The following ASTN2 variants were observed in gnomAD, a reference collection of about 807,000 sequenced individuals.
ASTN2 encodes astrotactin 2, also known as astrotactin-2.
ASTN2 carries 54 observed loss-of-function variants against 139.8 expected under a neutral mutation model. That is an observed-to-expected ratio of 0.39 (90% CI 0.31 to 0.48). ASTN2 has a LOEUF of 0.48. Ranked by LOEUF, ASTN2 falls within the 20% of genes least tolerant of loss-of-function variation. The pLI is 0.95. For missense variants in ASTN2, 1,565 were observed against 1,725.1 expected, an observed-to-expected ratio of 0.91 and a Z score of 1.64; for synonymous variants, 756 against 719.5, an observed-to-expected ratio of 1.05 and a Z score of -0.81.
chr9:116,947,534 T>C (rs115158365), intron 10 of ASTN2, among the ~76,000 whole-genome samples: 2,775 of 152,306 alleles, frequency 0.018, 88 homozygotes, highest in African/African-American at 0.064. Context: ...AAAAGTTACA[T>C]GCATCTTTTT....
chr9:116,788,663 T>C (rs1358033171), intron 13 of ASTN2, among the ~76,000 whole-genome samples: 4 of 152,072 alleles, frequency 2.6e-5, no homozygotes, highest in Non-Finnish European at 5.9e-5. Flanking sequence ...GTCGCAGAAA[T>C]TGTCTTAGAC....
intron 7 of ASTN2, among the ~76,000 whole-genome samples, chr9:116,986,687 A>T (rs1750736177): frequency 6.6e-6 from 1 of 152,292 alleles, no homozygotes; most frequent in Middle Eastern, 3.4e-3. Flanking sequence ...CATCTTGCAG[A>T]CGAGCAGACA....
At chr9:117,192,138 T>C (rs1831365948) in intron 3 of ASTN2, among the ~76,000 whole-genome samples, 1 of 152,164 alleles carries the variant, frequency 6.6e-6, no homozygotes, top group East Asian at 1.9e-4. Flanking sequence ...AGAGGATGGC[T>C]ATCAGGGGAT....
intron 6 of ASTN2, among the ~76,000 whole-genome samples, chr9:117,019,156 A>C (rs1429699975): frequency 6.6e-6 from 1 of 152,148 alleles, no homozygotes; most frequent in Non-Finnish European, 1.5e-5. Flanking sequence ...CTGGAACATA[A>C]ATCATACCAT....
chr9:116,703,790 A>G (rs979746607), intron 16 of ASTN2, among the ~76,000 whole-genome samples: 1 of 151,828 alleles, frequency 6.6e-6, no homozygotes, highest in Non-Finnish European at 1.5e-5. Context: ...GGGAGAACCT[A>G]GTATGAGACT....
chr9:116,564,180 A>G (rs68062750), intron 19 of ASTN2, among the ~76,000 whole-genome samples: 8,599 of 152,322 alleles, frequency 0.056, 317 homozygotes, highest in Non-Finnish European at 0.082. Context: ...AGTTAAAATG[A>G]CATAGGCCTG....
chr9:117,027,917 G>C (rs535467764), intron 6 of ASTN2, among the ~76,000 whole-genome samples: 1 of 152,248 alleles, frequency 6.6e-6, no homozygotes, highest in South Asian at 2.1e-4. Flanking sequence ...GGGGCTTATA[G>C]CTTCACTTTA....
chr9:117,059,111 G>C (rs1380042845), intron 5 of ASTN2, among the ~76,000 whole-genome samples: 1 of 152,182 alleles, frequency 6.6e-6, no homozygotes, highest in Non-Finnish European at 1.5e-5. Flanking sequence ...AGGAGTCATG[G>C]CTTGAATAGT....
intron 7 of ASTN2, among the ~76,000 whole-genome samples, chr9:117,005,385 A>G (rs1837327188): frequency 6.6e-6 from 1 of 151,504 alleles, no homozygotes; most frequent in Non-Finnish European, 1.5e-5. Flanking sequence ...TTATAATTTT[A>G]TGTTGTCTTG....
At chr9:116,474,641 A>C (rs1302379126) in intron 20 of ASTN2, among the ~76,000 whole-genome samples, 1 of 152,182 alleles carries the variant, frequency 6.6e-6, no homozygotes, top group East Asian at 1.9e-4. Flanking sequence ...ACCCACAGCC[A>C]AGATAATGAG....
intron 19 of ASTN2, chr9:116,583,318 T>C (rs542778765): frequency 1.2e-4 from 18 of 152,340 alleles, no homozygotes; most frequent in African/African-American, 3.8e-4. Flanking sequence ...AGGTTAAAAT[T>C]GCTGGCTACA....
At chr9:116,976,806 G>C in intron 7 of ASTN2, 21 bp from the exon 8 acceptor site, 2 of 1,610,440 alleles carry the variant, frequency 1.2e-6, no homozygotes, top group South Asian at 2.2e-5. Context: ...AAAGAAAAAA[G>C]ATTATTGTTA....
intron 3 of ASTN2, among the ~76,000 whole-genome samples, chr9:117,142,990 G>T (rs1347711677): frequency 6.6e-6 from 1 of 152,168 alleles, no homozygotes. Flanking sequence ...GACAAAGAAG[G>T]CTCCTGAACA....
chr9:116,464,080 A>T (rs1032863065), intron 20 of ASTN2, among the ~76,000 whole-genome samples: 1 of 152,046 alleles, frequency 6.6e-6, no homozygotes, highest in Admixed American at 6.6e-5. Flanking sequence ...AATCTGACAC[A>T]TAGCAGAGGA....
At chr9:117,028,238 T>C (rs547816967) in intron 6 of ASTN2, among the ~76,000 whole-genome samples, 1 of 152,278 alleles carries the variant, frequency 6.6e-6, no homozygotes, top group South Asian at 2.1e-4. Context: ...GTCCAGGCTC[T>C]GGGGATCACT....
chr9:116,484,746 C>G (rs1031165820), intron 20 of ASTN2, among the ~76,000 whole-genome samples: 57 of 152,186 alleles, frequency 3.7e-4, no homozygotes, highest in African/African-American at 1.3e-3. Context: ...AGCACATTTC[C>G]AGGACAGAGG....
chr9:117,157,313 G>T (rs1830453884), intron 3 of ASTN2, among the ~76,000 whole-genome samples: 1 of 151,936 alleles, frequency 6.6e-6, no homozygotes, highest in Non-Finnish European at 1.5e-5. Context: ...AAGGAAAAAA[G>T]ACACATGGAT....
At chr9:116,757,657 T>C (rs889237190) in intron 13 of ASTN2, among the ~76,000 whole-genome samples, 9 of 152,136 alleles carry the variant, frequency 5.9e-5, no homozygotes, top group African/African-American at 2.2e-4. Context: ...CTCATCGTCT[T>C]ATTACCCCAC....
At chr9:116,796,534 A>G (rs1010713506) in intron 13 of ASTN2, among the ~76,000 whole-genome samples, 5 of 152,138 alleles carry the variant, frequency 3.3e-5, no homozygotes, top group Non-Finnish European at 1.5e-5. Context: ...GCCTTAATTT[A>G]CAGAAGAGGC....
Sources: gnomAD v4.1 joint callset for allele counts (sites outside exome capture counted in the v4.1 genomes callset) on GRCh38, gnomAD v4.1.1 for gene constraint, MANE v1.5 for transcripts, NCBI Gene and HGNC (gene_info 2026-07-23, HGNC 2026-07-21) for gene names.